SLC23A2: variants seen among roughly 807,000 people sequenced by gnomAD.
The protein encoded by SLC23A2 is solute carrier family 23 member 2.
SLC23A2 carries 36 observed loss-of-function variants against 73.3 expected under a neutral mutation model. The ratio of observed to expected loss-of-function variants is 0.49; its 90% CI spans 0.38 to 0.65. SLC23A2 has a LOEUF of 0.65. SLC23A2 is among the 30% of genes least tolerant of loss of function. The pLI, the probability that SLC23A2 is intolerant of heterozygous loss-of-function variation, is 0.00. For synonymous variants in SLC23A2, 343 were observed against 327.3 expected (o/e 1.05, Z -0.52); for missense variants, 507 against 841.6 (o/e 0.60, Z 4.92).
chr20:4,874,794 A>C, intron 9 of SLC23A2, 98 bp from the exon 10 acceptor site: 1 of 998,028 alleles, frequency 1.0e-6, no homozygotes. Context: ...ATAGTGTTCA[A>C]TTCATTTACC....
At chr20:4,859,251 T>TA (rs35881880) in intron 16 of SLC23A2, 38 bp downstream of exon 16, 47,503 of 957,946 alleles carry the variant, frequency 0.05, 1 homozygote, top group East Asian at 0.058. Flanking sequence ...TGTTAAAAAA[T>TA]AAAAAAAAAA....
At chr20:4,972,292 T>C (rs1006062209) in intron 1 of SLC23A2, among the ~76,000 whole-genome samples, 1 of 151,712 alleles carries the variant, frequency 6.6e-6, no homozygotes, top group African/African-American at 2.4e-5. Flanking sequence ...CCAAGTTAAA[T>C]AGCACACAAA....
At chr20:4,879,356 C>T (rs970089577) in intron 9 of SLC23A2, among the ~76,000 whole-genome samples, 4 of 130,702 alleles carry the variant, frequency 3.1e-5, no homozygotes, top group African/African-American at 6.1e-5. Flanking sequence ...TTGCAGTAAG[C>T]GAGATTGCCC....
chr20:4,924,762 C>A (rs201989240), intron 3 of SLC23A2, among the ~76,000 whole-genome samples: 1 of 152,228 alleles, frequency 6.6e-6, no homozygotes, highest in African/African-American at 2.4e-5. Context: ...CTTGGTGCAG[C>A]CTTTCCTGGC....
At chr20:4,903,597 G>C (rs1160097415) in intron 4 of SLC23A2, among the ~76,000 whole-genome samples, 1 of 152,158 alleles carries the variant, frequency 6.6e-6, no homozygotes, top group Non-Finnish European at 1.5e-5. Context: ...AGGGGTTTGG[G>C]GTTTGGGGCC....
chr20:4,936,331 T>G (rs796941625), intron 2 of SLC23A2, among the ~76,000 whole-genome samples: 5 of 152,296 alleles, frequency 3.3e-5, no homozygotes, highest in African/African-American at 1.2e-4. Context: ...ACTGGTAGAT[T>G]TTTACATGGC....
At chr20:4,965,861 G>A (rs2087466335) in intron 2 of SLC23A2, among the ~76,000 whole-genome samples, 2 of 152,030 alleles carry the variant, frequency 1.3e-5, no homozygotes, top group African/African-American at 2.4e-5. Context: ...CAGCTACTCA[G>A]GAGGCTGGGG....
intron 2 of SLC23A2, among the ~76,000 whole-genome samples, chr20:4,954,695 T>C (rs1394379022): frequency 2.8e-5 from 2 of 72,062 alleles, no homozygotes; most frequent in African/African-American, 2.2e-4. Flanking sequence ...CAAGACTCCA[T>C]CACAAAAAAA....
chr20:4,856,907 TGTTACTCAGCAAG>T lies in SLC23A2; in HGVS notation c.*52_*64del. 1 of 1,005,408 alleles carries T rather than the reference TGTTACTCAGCAAG, an allele frequency of 9.9e-7. No homozygotes were observed. The highest frequency in any genetic ancestry group is 1.5e-6 in the Non-Finnish European group (1 of 649,120). The allele number at this position is 1,005,408 out of a possible 1,614,324, so 62.3% of individuals were successfully genotyped here. ...ATATACAAACATGTATTTTACTTCT[TGTTACTCAGCAAG>T]GAACTACAGATACATGCCTCACTGC... On this transcript the variant is annotated 3_prime_UTR_variant, in exon 17 of 17. Transcript: ENST00000338244. The surrounding 1 kb of genome is among the most constrained non-coding windows in gnomAD (Gnocchi z 4.6).
chr20:4,917,562 G>GACCCACAGAAATC (rs997289832), intron 3 of SLC23A2, among the ~76,000 whole-genome samples: 2 of 152,158 alleles, frequency 1.3e-5, no homozygotes, highest in African/African-American at 4.8e-5. Context: ...AAATGTGTTT[G>GACCCACAGAAATC]ACCCACAGAA....
intron 1 of SLC23A2, among the ~76,000 whole-genome samples, chr20:5,007,281 A>C (rs2088201953): frequency 6.6e-6 from 1 of 152,188 alleles, no homozygotes; most frequent in Admixed American, 6.5e-5. Flanking sequence ...CTATAATCCT[A>C]GCACTCTGGG....
chr20:4,876,491 T>G (rs956298195), intron 9 of SLC23A2, among the ~76,000 whole-genome samples: 8 of 152,328 alleles, frequency 5.3e-5, no homozygotes, highest in Middle Eastern at 3.4e-3. Context: ...GCAGGCACCC[T>G]GTGACAGAGA....
rs753931832 is a variant in SLC23A2 at position 4,972,365 on chromosome 20, TA to T, written c.-281-1447del. 2.8e-4 allele frequency among the ~76,000 whole-genome samples: 43 copies of T among 151,976 alleles called. No individual in the cohort carries two copies. In the East Asian group the frequency reaches 5.0e-3, roughly 18 times the overall value. On this transcript the variant is annotated intron_variant, in intron 1 of 16. Coordinates refer to ENST00000338244, the MANE Select transcript of SLC23A2 (RefSeq NM_005116.6). The stretch of plus-strand genomic sequence containing the variant: ...CATTAATGAGTCTTTTTTTTTTTTT[TA>T]ATTTTGGAAACTAAACACTGGTCTT...
chr20:4,989,685 A>T (rs2087894192), intron 1 of SLC23A2, among the ~76,000 whole-genome samples: 1 of 151,638 alleles, frequency 6.6e-6, no homozygotes, highest in Admixed American at 6.6e-5. Context: ...AAAAAAAAAA[A>T]TTTGCATATG....
chr20:4,878,011 G>A (rs1039842018), intron 9 of SLC23A2, among the ~76,000 whole-genome samples: 1 of 152,120 alleles, frequency 6.6e-6, no homozygotes, highest in Non-Finnish European at 1.5e-5. Flanking sequence ...TAAATTGGGA[G>A]GATAAACCTT....
Position 4,855,295 on chromosome 20 carries a change from G to C in SLC23A2, c.*1677C>G, listed in dbSNP as rs976137280. The C allele has an allele frequency of 6.6e-6, 1 of 152,376 alleles. No homozygotes were observed. Among genetic ancestry groups the C allele is most frequent in the African/African-American group, 2.4e-5 (1 of 41,448 alleles). The allele number at this position is 152,376 out of a possible 1,614,324, so 9.4% of individuals were successfully genotyped here. A position where few individuals can be genotyped will look rare whatever the true frequency, so the allele number is the denominator to read the frequency against. ...AGCCAGCCTGGGGCCGAGGGGGACA[G>C]GAATGCACCGTGTGGACACCAGGCT... On this transcript the variant is annotated 3_prime_UTR_variant, in exon 17 of 17. Coordinates refer to ENST00000338244, the MANE Select transcript of SLC23A2 (RefSeq NM_005116.6).
At chr20:4,897,466 C>T (rs774702715) in intron 6 of SLC23A2, among the ~76,000 whole-genome samples, 1 of 152,226 alleles carries the variant, frequency 6.6e-6, no homozygotes, top group Non-Finnish European at 1.5e-5. Context: ...GCTGCTTTCA[C>T]CCAGCCTTGT....
At chr20:4,924,000 G>GA (rs1710468807) in intron 3 of SLC23A2, among the ~76,000 whole-genome samples, 1 of 152,172 alleles carries the variant, frequency 6.6e-6, no homozygotes, top group African/African-American at 2.4e-5. Flanking sequence ...AACAGAAAAG[G>GA]AAAGAAAGGA....
chr20:4,875,760 A>G (rs1018765266), intron 9 of SLC23A2, among the ~76,000 whole-genome samples: 9 of 152,184 alleles, frequency 5.9e-5, no homozygotes, highest in Admixed American at 6.5e-5. Flanking sequence ...GTGCCCAACA[A>G]TGCGTCTAAG....
Sources: allele counts gnomAD v4.1 joint callset (sites outside exome capture counted in the v4.1 genomes callset), GRCh38; gene constraint gnomAD v4.1.1; non-coding constraint Gnocchi (gnomAD v3.1); transcripts MANE v1.5; gene names NCBI Gene and HGNC (gene_info 2026-07-23, HGNC 2026-07-21).